The following RNF220 variants were observed in gnomAD, a reference collection of about 807,000 sequenced individuals.
RNF220 encodes ring finger protein 220.
Under a neutral mutation model 67.1 loss-of-function variants are expected in RNF220, and 7 were observed. The ratio of observed to expected loss-of-function variants is 0.10; its 90% CI spans 0.06 to 0.20. RNF220 has a LOEUF of 0.20. RNF220 is among the 10% of genes least tolerant of loss of function. RNF220 has a pLI of 1.00. For synonymous variants in RNF220, 270 were observed against 283.2 expected (o/e 0.95, Z 0.47); for missense variants, 565 against 740.3 (o/e 0.76, Z 2.75).
At position 44,624,295 on chromosome 1, in the gene RNF220, C is replaced by T. The variant is rs1161144089; in HGVS notation, c.804+1508C>T. 1.3e-5 allele frequency among the ~76,000 whole-genome samples: 2 copies of T among 152,208 alleles called. No homozygotes were observed. Among genetic ancestry groups the T allele is most frequent in the Non-Finnish European group, 2.9e-5 (2 of 68,038 alleles). ...CCAAGTCGGCCACCACAGGTGACAG[C>T]TGACACCTGAGCATGGCTGGCAGGG... On this transcript the variant is annotated intron_variant, in intron 4 of 14. Coordinates refer to ENST00000361799, the MANE Select transcript of RNF220 (RefSeq NM_018150.4). The surrounding 1 kb of genome is among the most constrained non-coding windows in gnomAD (Gnocchi z 4.2).
At chr1:44,632,439 C>A (rs1430712911) in intron 6 of RNF220, 54 bp downstream of exon 6, 1 of 1,504,806 alleles carries the variant, frequency 6.6e-7, no homozygotes, top group Admixed American at 2.0e-5. Flanking sequence ...CTCCCTCCCT[C>A]CCTCACTGCC....
intron 2 of RNF220, among the ~76,000 whole-genome samples, chr1:44,518,246 C>T (rs1558004554): frequency 1.3e-5 from 2 of 151,854 alleles, no homozygotes; most frequent in South Asian, 2.1e-4. Flanking sequence ...GGCAACATAA[C>T]AAGACCCCAT....
chr1:44,576,395 TC>T (rs1438049778), intron 2 of RNF220, among the ~76,000 whole-genome samples: 1 of 152,162 alleles, frequency 6.6e-6, no homozygotes, highest in African/African-American at 2.4e-5. Flanking sequence ...TCTCTGGGGC[TC>T]CTAAGGGCAG....
intron 2 of RNF220, among the ~76,000 whole-genome samples, chr1:44,594,006 GC>G (rs1224869446): frequency 1.3e-5 from 2 of 151,238 alleles, no homozygotes; most frequent in African/African-American, 4.9e-5. Context: ...AATCGCTTGA[GC>G]CTGGGAGGCG....
At chr1:44,547,613 C>T (rs1354316149) in intron 2 of RNF220, among the ~76,000 whole-genome samples, 1 of 152,116 alleles carries the variant, frequency 6.6e-6, no homozygotes, top group East Asian at 1.9e-4. Flanking sequence ...ACACTTTAAT[C>T]TGATGAGCTC....
At chr1:44,534,691 A>G (rs541113262) in intron 2 of RNF220, among the ~76,000 whole-genome samples, 1 of 152,258 alleles carries the variant, frequency 6.6e-6, no homozygotes, top group African/African-American at 2.4e-5. Flanking sequence ...CATCATCATC[A>G]TGGTTGCCAT....
chr1:44,631,820 G>A, intron 5 of RNF220: 2 of 795,046 alleles, frequency 2.5e-6, no homozygotes, highest in Non-Finnish European at 3.0e-6. Flanking sequence ...TGGGTGGGTA[G>A]GCTTCACGGG....
intron 2 of RNF220, 102 bp from the exon 3 acceptor site, chr1:44,614,063 C>T: frequency 1.3e-6 from 2 of 1,520,350 alleles, no homozygotes; most frequent in Non-Finnish European, 1.8e-6. Context: ...GCCAAGAAGC[C>T]CTAGAGGGCA....
At chr1:44,536,165 A>G (rs1661204714) in intron 2 of RNF220, among the ~76,000 whole-genome samples, 1 of 152,098 alleles carries the variant, frequency 6.6e-6, no homozygotes, top group Non-Finnish European at 1.5e-5. Context: ...CTGTCTGGGA[A>G]AGTCAGAGCT....
At chr1:44,628,224 T>C (rs1282053783) in intron 5 of RNF220, among the ~76,000 whole-genome samples, 1 of 152,256 alleles carries the variant, frequency 6.6e-6, no homozygotes, top group Non-Finnish European at 1.5e-5. Flanking sequence ...ACTCACGGCA[T>C]GCGCCTTGCC....
chr1:44,642,198 A>G (rs1179544185), intron 8 of RNF220, among the ~76,000 whole-genome samples: 4 of 152,224 alleles, frequency 2.6e-5, no homozygotes, highest in Non-Finnish European at 5.9e-5. Context: ...GGAGTTACAC[A>G]GGATTCTGGG....
Position 44,645,068 on chromosome 1 carries a change from G to A in RNF220, c.1297G>A (p.Gly433Ser). The A allele has an allele frequency of 6.2e-7, 1 of 1,614,120 alleles. No homozygotes were observed. The highest frequency in any genetic ancestry group is 8.5e-7 in the Non-Finnish European group (1 of 1,180,014). ...GEAKEREALR[G>S]AVLNGGPPST... ...AGCCAAGGAGAGAGAGGCACTTCGG[G>A]GCGCAGTCCTAAAGCAAGTGTGGGC... Residue 433 changes from glycine to serine, a missense_variant, in exon 10 of 15, where the codon GGC (glycine) becomes AGC (serine). Coordinates refer to ENST00000361799, the MANE Select transcript of RNF220 (RefSeq NM_018150.4). This position sits in a 1 kb window ranked among gnomAD's most constrained non-coding sequence, Gnocchi z 5.0.
At chr1:44,453,716 T>C (rs1218903520) in intron 2 of RNF220, among the ~76,000 whole-genome samples, 1 of 152,208 alleles carries the variant, frequency 6.6e-6, no homozygotes, top group Admixed American at 6.5e-5. Context: ...GCATTTATGT[T>C]CTTAAGTAAG....
At chr1:44,587,897 T>G (rs1483329601) in intron 2 of RNF220, among the ~76,000 whole-genome samples, 1 of 152,214 alleles carries the variant, frequency 6.6e-6, no homozygotes, top group Non-Finnish European at 1.5e-5. Flanking sequence ...GGCATGAATG[T>G]GCATTTGCGG....
At chr1:44,550,158 G>T (rs1232696138) in intron 2 of RNF220, among the ~76,000 whole-genome samples, 1 of 152,236 alleles carries the variant, frequency 6.6e-6, no homozygotes, top group Non-Finnish European at 1.5e-5. Context: ...GCGTAGGCCT[G>T]AGCCCTCCTG....
intron 2 of RNF220, among the ~76,000 whole-genome samples, chr1:44,578,418 G>A (rs985139897): frequency 2.6e-5 from 4 of 152,210 alleles, no homozygotes; most frequent in Non-Finnish European, 5.9e-5. Flanking sequence ...TTACAGGCAT[G>A]AGCTACCGCG....
chr1:44,591,010 G>A lies in RNF220; in HGVS notation c.626-23155G>A, dbSNP rs1419017292. Among the ~76,000 whole-genome samples, 8 of 152,152 alleles carry A rather than the reference G, an allele frequency of 5.3e-5. 1 individual carries two copies. The highest frequency in any genetic ancestry group is 1.9e-4 in the African/African-American group (8 of 41,424). On this transcript the variant is annotated intron_variant, in intron 2 of 14. Transcript: ENST00000361799. ...GAGTTTCGCTCTTATCACCCAGGCTGGAGTGCAGTGGCATGATCTCAGCTC... is the reference window on the plus strand; with the variant it reads ...GAGTTTCGCTCTTATCACCCAGGCTAGAGTGCAGTGGCATGATCTCAGCTC...
Position 44,417,158 on chromosome 1 carries a change from A to G in RNF220, c.625+4436A>G, listed in dbSNP as rs1465604404. On this transcript the variant is annotated intron_variant, in intron 2 of 14. Coordinates refer to ENST00000361799, the MANE Select transcript of RNF220 (RefSeq NM_018150.4). The surrounding 1 kb of genome is among the most constrained non-coding windows in gnomAD (Gnocchi z 4.0). Reference sequence around the variant, plus strand: ...AGCTGGGACAGATGACCACTGGGAAAGGGTCAGCAAATCGCCAGAAGACCT... The same window carrying G: ...AGCTGGGACAGATGACCACTGGGAAGGGGTCAGCAAATCGCCAGAAGACCT... Among the ~76,000 whole-genome samples, 2 of 152,058 alleles carry G rather than the reference A, an allele frequency of 1.3e-5. No individual in the cohort carries two copies. The highest frequency in any genetic ancestry group is 6.5e-5 in the Admixed American group (1 of 15,280).
At chr1:44,510,340 G>T (rs1160094089) in intron 2 of RNF220, among the ~76,000 whole-genome samples, 1 of 151,932 alleles carries the variant, frequency 6.6e-6, no homozygotes, top group Non-Finnish European at 1.5e-5. Context: ...TATGACATGA[G>T]CTGCTCCCTC....
Sources: allele counts gnomAD v4.1 joint callset (sites outside exome capture counted in the v4.1 genomes callset), GRCh38; gene constraint gnomAD v4.1.1; non-coding constraint Gnocchi (gnomAD v3.1); transcripts MANE v1.5; gene names NCBI Gene and HGNC (gene_info 2026-07-23, HGNC 2026-07-21).